DAW1: variants seen among roughly 807,000 people sequenced by gnomAD.
DAW1 encodes dynein assembly factor with WD repeat domains 1.
DAW1 carries 47 observed loss-of-function variants against 56.5 expected under a neutral mutation model. That is an observed-to-expected ratio of 0.83 (90% CI 0.66 to 1.06). The LOEUF (loss-of-function observed/expected upper bound fraction) is 1.06. Among genes scored for constraint, DAW1 ranks in the 50% least tolerant of loss-of-function variants. The pLI is 0.00. For missense variants in DAW1, 505 were observed against 499.3 expected (o/e 1.01, Z -0.11); for synonymous variants, 190 against 179.0 (o/e 1.06, Z -0.49).
chr2:227,871,695 G>A lies in DAW1; in HGVS notation c.6G>A (p.Lys2=), dbSNP rs1435620596. Residue 2 remains lysine, a synonymous_variant, in exon 1 of 13, where the codon AAG becomes AAA. Transcript: ENST00000309931. ...GGGGATAAGAGAGCAAGAAAATGAA[G>A]CTCAAGAGCCTCCTGCTCCGGTATT... The part of the protein sequence containing the change: M[K]LKSLLLRYYP... 6.2e-7 allele frequency: 1 copy of A among 1,613,710 alleles called. No homozygotes were observed. The highest frequency in any genetic ancestry group is 8.5e-7 in the Non-Finnish European group (1 of 1,179,902).
chr2:227,923,397 A>G (rs1018382194), intron 12 of DAW1, among the ~76,000 whole-genome samples: 1 of 152,174 alleles, frequency 6.6e-6, no homozygotes, highest in Non-Finnish European at 1.5e-5. Flanking sequence ...TATGGTTTTT[A>G]TAGGCTTTCC....
intron 6 of DAW1, 128 bp from the exon 7 acceptor site, chr2:227,902,874 T>C: frequency 2.2e-6 from 2 of 918,164 alleles, no homozygotes; most frequent in Non-Finnish European, 3.3e-6. Flanking sequence ...AGGTCACACA[T>C]ACGTGGGGTT....
chr2:227,897,731 T>C (rs995909332), intron 5 of DAW1, among the ~76,000 whole-genome samples: 44 of 152,230 alleles, frequency 2.9e-4, no homozygotes, highest in African/African-American at 1.1e-3. Flanking sequence ...ACAAGCACCG[T>C]CTAAATTCTC....
chr2:227,887,913 G>C lies in DAW1; in HGVS notation c.114-1943G>C, dbSNP rs546677947. ...GGAATTATTGCATGAAAATCCTACA[G>C]GGTTGGAGCGTGTAGATTATCTGGT... On this transcript the variant is annotated intron_variant, in intron 2 of 12. Coordinates refer to ENST00000309931, the MANE Select transcript of DAW1 (RefSeq NM_178821.3). Among the ~76,000 whole-genome samples, 6 of 152,318 alleles carry C rather than the reference G, an allele frequency of 3.9e-5. No homozygotes were observed. In the East Asian group the frequency reaches 1.2e-3, roughly 29 times the overall value.
chr2:227,896,986 T>C (rs988938883), intron 5 of DAW1, among the ~76,000 whole-genome samples: 2 of 151,078 alleles, frequency 1.3e-5, no homozygotes, highest in Non-Finnish European at 2.9e-5. Flanking sequence ...CTTGGGAGGC[T>C]GTGGTAGGAG....
chr2:227,913,269 A>T (rs1017584459), intron 10 of DAW1, among the ~76,000 whole-genome samples: 7 of 152,282 alleles, frequency 4.6e-5, no homozygotes, highest in Admixed American at 2.6e-4. Flanking sequence ...TCATATCGAC[A>T]TGTGATGTTA....
At chr2:227,872,819 A>G (rs1690789130) in intron 1 of DAW1, among the ~76,000 whole-genome samples, 1 of 151,854 alleles carries the variant, frequency 6.6e-6, no homozygotes, top group African/African-American at 2.4e-5. Flanking sequence ...CCAGCTGCCA[A>G]CCTAGTCCAA....
chr2:227,912,834 T>G (rs1461057818), intron 10 of DAW1, among the ~76,000 whole-genome samples: 1 of 152,220 alleles, frequency 6.6e-6, no homozygotes, highest in Non-Finnish European at 1.5e-5. Context: ...TTTGCATCTG[T>G]ATGTCTTAGA....
At chr2:227,871,808 C>A in intron 1 of DAW1, 79 bp downstream of exon 1, 1 of 1,582,014 alleles carries the variant, frequency 6.3e-7, no homozygotes, top group Non-Finnish European at 8.6e-7. Context: ...CGGAGGAGGG[C>A]GCAGCCACTG....
At chr2:227,918,895 C>CA in intron 11 of DAW1, 39 bp downstream of exon 11, 1 of 1,601,246 alleles carries the variant, frequency 6.2e-7, no homozygotes, top group Non-Finnish European at 8.5e-7. Flanking sequence ...TATTTACTTT[C>CA]AAAAAATAAA....
intron 4 of DAW1, among the ~76,000 whole-genome samples, chr2:227,891,896 A>C (rs1242200938): frequency 2.6e-5 from 4 of 152,178 alleles, no homozygotes; most frequent in Non-Finnish European, 5.9e-5. Context: ...TAGAGGTCAG[A>C]GGTCAAGGTG....
intron 2 of DAW1, among the ~76,000 whole-genome samples, chr2:227,888,459 C>A (rs1691180608): frequency 6.6e-6 from 1 of 152,208 alleles, no homozygotes; most frequent in Admixed American, 6.5e-5. Flanking sequence ...AGAATCTCTG[C>A]CAATCTGGAA....
At chr2:227,913,928 T>TTCATCA (rs146455954) in intron 10 of DAW1, among the ~76,000 whole-genome samples, 2 of 147,558 alleles carry the variant, frequency 1.4e-5, no homozygotes, top group Non-Finnish European at 3.0e-5. Context: ...TCTATCTATC[T>TTCATCA]TCATCATCAT....
intron 1 of DAW1, chr2:227,876,567 C>A (rs1171756399): frequency 2.3e-5 from 28 of 1,220,660 alleles, no homozygotes; most frequent in Non-Finnish European, 2.9e-5. Flanking sequence ...CTACCTTTAT[C>A]CCTTCTGCAT....
intron 1 of DAW1, among the ~76,000 whole-genome samples, chr2:227,884,337 A>G (rs1691074189): frequency 6.6e-6 from 1 of 152,066 alleles, no homozygotes. Flanking sequence ...TCATCTTGGT[A>G]TTGGTGTTTG....
chr2:227,906,823 A>T (rs959067219), intron 9 of DAW1, among the ~76,000 whole-genome samples: 1 of 152,164 alleles, frequency 6.6e-6, no homozygotes, highest in Non-Finnish European at 1.5e-5. Flanking sequence ...TCCTTCCTAT[A>T]AAAAGAGCAC....
At chr2:227,905,375 G>A (rs1352373175) in intron 8 of DAW1, among the ~76,000 whole-genome samples, 2 of 152,132 alleles carry the variant, frequency 1.3e-5, no homozygotes, top group African/African-American at 2.4e-5. Context: ...AAAACTCTTA[G>A]TTAATTTCCC....
At chr2:227,894,783 G>A (rs1387491316) in intron 5 of DAW1, among the ~76,000 whole-genome samples, 1 of 152,162 alleles carries the variant, frequency 6.6e-6, no homozygotes, top group Non-Finnish European at 1.5e-5. Context: ...GATTCCCATG[G>A]CACCCTGAAC....
Position 227,921,305 on chromosome 2 carries a change from CTTTTTTTTTT to C in DAW1, c.1051-75_1051-66del, listed in dbSNP as rs556409280. The stretch of plus-strand genomic sequence containing the variant: ...GGAAGGTGACATGTGCTGTAATGTC[CTTTTTTTTTT>C]TTTTTTTTTTTTTTTTTTGCTGATA... On this transcript the variant is annotated intron_variant, in intron 11 of 12. Coordinates refer to ENST00000309931, the MANE Select transcript of DAW1 (RefSeq NM_178821.3). The C allele has an allele frequency of 9.1e-4, 397 of 436,238 alleles. 4 individuals are homozygous for C. In the African/African-American group the frequency reaches 0.013, roughly 14 times the overall value. The allele number at this position is 436,238 out of a possible 1,614,324, so 27.0% of individuals were successfully genotyped here. A position where few individuals can be genotyped will look rare whatever the true frequency, so the allele number is the denominator to read the frequency against.
Sources: gnomAD v4.1 joint callset for allele counts (sites outside exome capture counted in the v4.1 genomes callset) on GRCh38, gnomAD v4.1.1 for gene constraint, MANE v1.5 for transcripts, NCBI Gene and HGNC (gene_info 2026-07-23, HGNC 2026-07-21) for gene names.